Variants in WDR41 observed in about 807,000 individuals in gnomAD.
WDR41 encodes the protein WD repeat-containing protein 41.
WDR41 carries 63 observed loss-of-function variants against 69.3 expected under a neutral mutation model. The ratio of observed to expected loss-of-function variants is 0.91; its 90% CI spans 0.74 to 1.12. The LOEUF (loss-of-function observed/expected upper bound fraction) is 1.12. WDR41 is among the 50% of genes most tolerant of loss of function. The probability of loss-of-function intolerance (pLI) is 0.00; values close to 1 mark genes in which losing one functional copy is unlikely to be tolerated. For missense variants in WDR41, 543 were observed against 534.5 expected (o/e 1.02, Z -0.16); for synonymous variants, 185 against 192.1 (o/e 0.96, Z 0.31).
At chr5:77,581,565 G>A (rs1471615091) in intron 1 of WDR41, among the ~76,000 whole-genome samples, 2 of 152,138 alleles carry the variant, frequency 1.3e-5, no homozygotes, top group Non-Finnish European at 2.9e-5. Context: ...CTTCTCAAGT[G>A]GATGTGGAGG....
intron 1 of WDR41, among the ~76,000 whole-genome samples, chr5:77,602,858 T>A (rs116099957): frequency 0.013 from 1,930 of 152,290 alleles, 35 homozygotes; most frequent in African/African-American, 0.045. Flanking sequence ...TCCATAGTGG[T>A]TGTACTAACT....
chr5:77,473,901 G>C (rs1269141337), intron 2 of WDR41, among the ~76,000 whole-genome samples: 1 of 152,178 alleles, frequency 6.6e-6, no homozygotes, highest in Non-Finnish European at 1.5e-5. Context: ...TCTAGAACTA[G>C]AAATACCATT....
intron 1 of WDR41, among the ~76,000 whole-genome samples, chr5:77,504,552 C>T (rs1178884074): frequency 6.6e-6 from 1 of 152,140 alleles, no homozygotes; most frequent in African/African-American, 2.4e-5. Flanking sequence ...GATACCAAAG[C>T]CTGGCAGAGA....
chr5:77,595,498 ATGT>A (rs1159684082), intron 1 of WDR41, among the ~76,000 whole-genome samples: 1 of 152,190 alleles, frequency 6.6e-6, no homozygotes, highest in Non-Finnish European at 1.5e-5. Context: ...CAGCAGAGAA[ATGT>A]TGTTCACACT....
intron 1 of WDR41, among the ~76,000 whole-genome samples, chr5:77,528,608 T>C (rs995263218): frequency 6.6e-6 from 1 of 151,734 alleles, no homozygotes; most frequent in South Asian, 2.1e-4. Flanking sequence ...ACCTCATTCA[T>C]GTACATAATT....
At chr5:77,563,551 C>G (rs1163794828) in intron 1 of WDR41, among the ~76,000 whole-genome samples, 1 of 152,130 alleles carries the variant, frequency 6.6e-6, no homozygotes, top group Non-Finnish European at 1.5e-5. Context: ...AAGGTACATG[C>G]AGCTTGCTTT....
intron 1 of WDR41, among the ~76,000 whole-genome samples, chr5:77,542,953 G>A (rs1743119420): frequency 6.6e-6 from 1 of 152,156 alleles, no homozygotes; most frequent in Non-Finnish European, 1.5e-5. Flanking sequence ...ATGGCTGAGA[G>A]ACCCACAGAC....
chr5:77,612,639 T>G (rs2112343663), intron 1 of WDR41, among the ~76,000 whole-genome samples: 1 of 152,316 alleles, frequency 6.6e-6, no homozygotes, highest in South Asian at 2.1e-4. Flanking sequence ...TGATGGGACA[T>G]ATCTCAAAAT....
Position 77,441,043 on chromosome 5 carries a change from G to A in WDR41, c.698-46C>T, listed in dbSNP as rs771018370. The A allele has an allele frequency of 1.9e-6, 3 of 1,591,710 alleles. No individual in the cohort carries two copies. In the Admixed American group the frequency reaches 5.2e-5, roughly 27 times the overall value. ...CCTCATTATCGATCATTTTATCTAT[G>A]TAAAGATATAACTGAATGGAATGTC... On this transcript the variant is annotated intron_variant, in intron 8 of 12. Transcript: ENST00000296679.
At chr5:77,550,099 G>A (rs2112239172) in intron 1 of WDR41, among the ~76,000 whole-genome samples, 1 of 152,176 alleles carries the variant, frequency 6.6e-6, no homozygotes, top group East Asian at 1.9e-4. Context: ...AACTCAAGGT[G>A]GATTAAAGAT....
rs1798740676 is a variant in WDR41, at chr5:77,431,955, A to C, written c.*1180T>G. The C allele has an allele frequency of 6.6e-6, 1 of 152,166 alleles. No homozygotes were observed. Among genetic ancestry groups the C allele is most frequent in the Non-Finnish European group, 1.5e-5 (1 of 68,044 alleles). 9.4% of individuals were successfully genotyped at this position (152,166 alleles called of 1,614,324 possible). On this transcript the variant is annotated 3_prime_UTR_variant, in exon 13 of 13. Transcript: ENST00000296679. Reference sequence around the variant, plus strand: ...ACTGGGCACTACAGATTTAATTGCAAGGCCTTACTGCACTGGGCCTCAGTT... The same window carrying C: ...ACTGGGCACTACAGATTTAATTGCACGGCCTTACTGCACTGGGCCTCAGTT...
At chr5:77,463,814 A>C (rs951220696) in intron 3 of WDR41, among the ~76,000 whole-genome samples, 1 of 152,198 alleles carries the variant, frequency 6.6e-6, no homozygotes, top group Non-Finnish European at 1.5e-5. Flanking sequence ...ATACAATGTA[A>C]ATGGCAAATC....
intron 1 of WDR41, among the ~76,000 whole-genome samples, chr5:77,598,612 G>GGCCTTTGAA (rs1388904507): frequency 1.3e-5 from 2 of 151,334 alleles, no homozygotes; most frequent in African/African-American, 4.9e-5. Flanking sequence ...AAGCCAAGCT[G>GGCCTTTGAA]GCCTTTGAAG....
chr5:77,476,957 CAAAAT>C (rs1285001801), intron 2 of WDR41, among the ~76,000 whole-genome samples: 1 of 145,478 alleles, frequency 6.9e-6, no homozygotes, highest in Non-Finnish European at 1.5e-5. Flanking sequence ...CACATAGGCT[CAAAAT>C]AAAAAGATGG....
intron 2 of WDR41, among the ~76,000 whole-genome samples, chr5:77,467,388 C>A (rs1581728574): frequency 6.6e-6 from 1 of 152,070 alleles, no homozygotes; most frequent in East Asian, 1.9e-4. Flanking sequence ...ACATGTGGTT[C>A]TTGCTTTGAG....
At chr5:77,615,763 C>T (rs1029075838) in intron 1 of WDR41, among the ~76,000 whole-genome samples, 6 of 148,796 alleles carry the variant, frequency 4.0e-5, no homozygotes, top group African/African-American at 1.5e-4. Flanking sequence ...GAGGCTGAAG[C>T]AGGTGGATCA....
chr5:77,548,480 C>T (rs1743238908), intron 1 of WDR41, among the ~76,000 whole-genome samples: 1 of 151,968 alleles, frequency 6.6e-6, no homozygotes, highest in South Asian at 2.1e-4. Flanking sequence ...CATGAATAGA[C>T]AATTCTCAAA....
intron 2 of WDR41, among the ~76,000 whole-genome samples, chr5:77,476,972 G>C (rs1223874998): frequency 1.4e-5 from 2 of 147,930 alleles, no homozygotes; most frequent in Admixed American, 1.3e-4. Flanking sequence ...TAAAAAGATG[G>C]AGGAAGATCT....
intron 1 of WDR41, among the ~76,000 whole-genome samples, chr5:77,541,775 G>A (rs1162302282): frequency 6.6e-6 from 1 of 152,144 alleles, no homozygotes; most frequent in Non-Finnish European, 1.5e-5. Context: ...TTAGAAGCAT[G>A]AGCAACCACA....
Sources: gnomAD v4.1 joint callset for allele counts (sites outside exome capture counted in the v4.1 genomes callset) on GRCh38, gnomAD v4.1.1 for gene constraint, MANE v1.5 for transcripts, NCBI Gene and HGNC (gene_info 2026-07-23, HGNC 2026-07-21) for gene names.